RAB27A: variants seen among roughly 807,000 people sequenced by gnomAD.
RAB27A encodes RAB27A, member RAS oncogene family, also known as ras-related protein Rab-27A.
Under a neutral mutation model 20.8 loss-of-function variants are expected in RAB27A, and 17 were observed. The observed-to-expected ratio is 0.82, with a 90% confidence interval of 0.56 to 1.23. The LOEUF is 1.23. Ranked by LOEUF, RAB27A falls within the 50% of genes most tolerant of loss-of-function variation. The pLI, the probability that RAB27A is intolerant of heterozygous loss-of-function variation, is 0.00. For missense variants in RAB27A, 277 were observed against 266.7 expected (o/e 1.04, Z -0.27); for synonymous variants, 85 against 92.8 (o/e 0.92, Z 0.48).
chr15:55,316,503 G>T (rs764831030), intron 1 of RAB27A, among the ~76,000 whole-genome samples: 2 of 151,294 alleles, frequency 1.3e-5, no homozygotes, highest in Non-Finnish European at 2.9e-5. Flanking sequence ...CCTAGATGAC[G>T]GGTTGACAGG....
intron 4 of RAB27A, among the ~76,000 whole-genome samples, chr15:55,229,640 G>C (rs1326157267): frequency 6.6e-6 from 1 of 151,880 alleles, no homozygotes; most frequent in East Asian, 1.9e-4. Flanking sequence ...ACGTCAGCCT[G>C]GGCAACAAGA....
At chr15:55,266,065 C>G (rs901840516) in intron 2 of RAB27A, among the ~76,000 whole-genome samples, 2 of 152,168 alleles carry the variant, frequency 1.3e-5, no homozygotes, top group African/African-American at 4.8e-5. Context: ...ATGTTTGTGT[C>G]TCCCCAAAAT....
intron 2 of RAB27A, among the ~76,000 whole-genome samples, chr15:55,248,443 A>C (rs1006061091): frequency 2.6e-5 from 4 of 152,166 alleles, no homozygotes; most frequent in Non-Finnish European, 5.9e-5. Flanking sequence ...TGCTATATCA[A>C]CTTCAAGGTG....
intron 6 of RAB27A, among the ~76,000 whole-genome samples, chr15:55,207,390 A>T (rs1894703785): frequency 6.6e-6 from 1 of 152,184 alleles, no homozygotes; most frequent in Non-Finnish European, 1.5e-5. Context: ...AGGGCAACTG[A>T]GAAGGTCTTA....
chr15:55,296,413 T>C (rs1368026305), intron 2 of RAB27A, among the ~76,000 whole-genome samples: 2 of 151,980 alleles, frequency 1.3e-5, no homozygotes, highest in Admixed American at 6.5e-5. Flanking sequence ...TGAGAATCAC[T>C]TGAACCCGGG....
At chr15:55,274,815 T>TATATATATATAC (rs1188210380) in intron 1 of RAB27A, among the ~76,000 whole-genome samples, 6 of 135,086 alleles carry the variant, frequency 4.4e-5, no homozygotes, top group African/African-American at 1.6e-4. Context: ...TATATATATA[T>TATATATATATAC]ATATATATAT....
chr15:55,275,248 TCTAACAACAA>T (rs1476285336), intron 1 of RAB27A, among the ~76,000 whole-genome samples: 4 of 149,242 alleles, frequency 2.7e-5, no homozygotes, highest in African/African-American at 7.4e-5. Context: ...TGAGACTCCA[TCTAACAACAA>T]CAAAAAAAAA....
At chr15:55,211,325 G>A (rs1895016584) in intron 6 of RAB27A, among the ~76,000 whole-genome samples, 1 of 152,024 alleles carries the variant, frequency 6.6e-6, no homozygotes, top group Admixed American at 6.6e-5. Context: ...ATTGCATTGA[G>A]TCAGTAAATT....
chr15:55,299,258 C>T (rs1370097874), intron 2 of RAB27A, among the ~76,000 whole-genome samples: 3 of 152,214 alleles, frequency 2.0e-5, no homozygotes, highest in Non-Finnish European at 2.9e-5. Context: ...CCACGTTCTT[C>T]TGCCATGGCT....
At chr15:55,250,303 G>C (rs1157958931) in intron 2 of RAB27A, among the ~76,000 whole-genome samples, 1 of 152,092 alleles carries the variant, frequency 6.6e-6, no homozygotes, top group Non-Finnish European at 1.5e-5. Context: ...ATAAAAAAAA[G>C]TATATAGTCA....
At position 55,230,465 on chromosome 15, in the gene RAB27A, C is replaced by T. The variant is rs770949071; in HGVS notation, c.175G>A (p.Asp59Asn). 2 of 1,613,712 alleles carry T rather than the reference C, an allele frequency of 1.2e-6. No homozygotes were observed. The highest frequency in any genetic ancestry group is 1.7e-6 in the Non-Finnish European group (2 of 1,179,702). The change falls in exon 4 of 7, where the codon GAT becomes AAT. Residue 59 changes from aspartate (D) to asparagine (N), a missense_variant. Coordinates refer to ENST00000336787, the MANE Select transcript of RAB27A (RefSeq NM_183235.3). Reference protein sequence around the residue: ...KRVVYRASGPDGATGRGQRIH... With the variant: ...KRVVYRASGPNGATGRGQRIH... ...CTCTGGCCTCTGCCAGTGGCTCCAT[C>T]CGGCCCACTGGCTCTGTACACCTAA...
intron 6 of RAB27A, among the ~76,000 whole-genome samples, chr15:55,214,438 A>C (rs1413789230): frequency 6.6e-6 from 1 of 152,034 alleles, no homozygotes; most frequent in East Asian, 1.9e-4. Context: ...TCCGTCTCAA[A>C]ACAACAACAA....
At chr15:55,205,791 A>C (rs1468495208) in intron 6 of RAB27A, 86 bp from the exon 7 acceptor site, 1 of 1,212,120 alleles carries the variant, frequency 8.3e-7, no homozygotes, top group Non-Finnish European at 1.2e-6. Flanking sequence ...TAGAGAATCG[A>C]TAGAATACAA....
chr15:55,246,078 T>C (rs907715696), intron 2 of RAB27A, among the ~76,000 whole-genome samples: 9 of 151,070 alleles, frequency 6.0e-5, no homozygotes, highest in African/African-American at 2.2e-4. Flanking sequence ...GTCTAAGATA[T>C]ATATATGATA....
At chr15:55,269,463 T>C (rs915520217) in intron 2 of RAB27A, among the ~76,000 whole-genome samples, 1 of 152,146 alleles carries the variant, frequency 6.6e-6, no homozygotes, top group Non-Finnish European at 1.5e-5. Flanking sequence ...TTAACACTTT[T>C]AGGCCGGGCA....
At chr15:55,210,090 ATATG>A (rs1445928954) in intron 6 of RAB27A, among the ~76,000 whole-genome samples, 1 of 131,842 alleles carries the variant, frequency 7.6e-6, no homozygotes, top group Non-Finnish European at 1.6e-5. Flanking sequence ...ATATACACAT[ATATG>A]TGTGTATATA....
chr15:55,291,129 G>T (rs761636392), upstream of RAB27A, among the ~76,000 whole-genome samples: 3 of 152,158 alleles, frequency 2.0e-5, no homozygotes, highest in Non-Finnish European at 4.4e-5. Flanking sequence ...GTAAACTCGG[G>T]TTTAGAGATA....
intron 6 of RAB27A, among the ~76,000 whole-genome samples, chr15:55,213,377 A>C (rs1032885360): frequency 6.6e-5 from 10 of 152,058 alleles, no homozygotes; most frequent in Non-Finnish European, 1.3e-4. Context: ...GAGCTTGGTA[A>C]AGTTTTCTTT....
intron 2 of RAB27A, among the ~76,000 whole-genome samples, chr15:55,313,748 C>A (rs560455541): frequency 1.3e-5 from 2 of 151,920 alleles, no homozygotes; most frequent in Non-Finnish European, 2.9e-5. Flanking sequence ...CCGAGGCGGG[C>A]GGATCACGAG....
Sources: gnomAD v4.1 joint callset for allele counts (sites outside exome capture counted in the v4.1 genomes callset) on GRCh38, gnomAD v4.1.1 for gene constraint, MANE v1.5 for transcripts, NCBI Gene and HGNC (gene_info 2026-07-23, HGNC 2026-07-21) for gene names.